The following PPM1L variants were observed in gnomAD, a reference collection of about 807,000 sequenced individuals.
PPM1L encodes the protein protein phosphatase, Mg2+/Mn2+ dependent 1L.
Under a neutral mutation model 31.4 loss-of-function variants are expected in PPM1L, and 13 were observed. The observed-to-expected ratio is 0.41, with a 90% CI of 0.27 to 0.66. The LOEUF is 0.66. Among genes scored for constraint, PPM1L ranks in the 30% least tolerant of loss-of-function variants. PPM1L has a pLI of 0.29. For synonymous variants in PPM1L, 184 were observed against 175.4 expected (o/e 1.05, Z -0.39); for missense variants, 326 against 453.7 (o/e 0.72, Z 2.56).
rs187635862 is a variant in PPM1L at position 160,862,136 on chromosome 3, T to C, written c.400-99600T>C. ...CTGCCTACCACACTGATGATGATGA[T>C]GCTAATGAAGATGATGAGGAAAATT... is the stretch of plus-strand genomic sequence containing the variant. On this transcript the variant is annotated intron_variant, in intron 1 of 3. Coordinates refer to ENST00000498165, the MANE Select transcript of PPM1L (RefSeq NM_139245.4). 8.5e-5 allele frequency among the ~76,000 whole-genome samples: 13 copies of C among 152,322 alleles called. No individual in the cohort carries two copies. The East Asian group carries it at 2.5e-3, about 29-fold the overall frequency.
intron 1 of PPM1L, among the ~76,000 whole-genome samples, chr3:160,876,591 C>T (rs1412699107): frequency 6.6e-6 from 1 of 152,202 alleles, no homozygotes; most frequent in East Asian, 1.9e-4. Context: ...AGACACTGTG[C>T]TATTACTATG....
At chr3:161,040,163 T>G (rs1351167341) in intron 2 of PPM1L, among the ~76,000 whole-genome samples, 1 of 152,234 alleles carries the variant, frequency 6.6e-6, no homozygotes, top group African/African-American at 2.4e-5. Flanking sequence ...GTGCTGGTGC[T>G]TAGTGAAATA....
chr3:160,960,396 G>T (rs1715915123), intron 1 of PPM1L, among the ~76,000 whole-genome samples: 1 of 151,972 alleles, frequency 6.6e-6, no homozygotes, highest in African/African-American at 2.4e-5. Context: ...TAGCTATTTT[G>T]TAATATACGA....
At chr3:160,820,151 G>A (rs772632066) in intron 1 of PPM1L, among the ~76,000 whole-genome samples, 7 of 152,122 alleles carry the variant, frequency 4.6e-5, no homozygotes, top group African/African-American at 7.2e-5. Flanking sequence ...AGCAGTGATA[G>A]TGGAATGAAG....
At chr3:160,887,940 A>G (rs1369334426) in intron 1 of PPM1L, among the ~76,000 whole-genome samples, 1 of 152,194 alleles carries the variant, frequency 6.6e-6, no homozygotes, top group Admixed American at 6.5e-5. Context: ...ACTAAGCTTC[A>G]TAAGTGAAGG....
At chr3:160,770,809 C>T (rs1441327331) in intron 1 of PPM1L, among the ~76,000 whole-genome samples, 1 of 152,108 alleles carries the variant, frequency 6.6e-6, no homozygotes, top group African/African-American at 2.4e-5. Flanking sequence ...TGAAGGTCAT[C>T]CTTATTTTTT....
intron 1 of PPM1L, among the ~76,000 whole-genome samples, chr3:160,798,973 C>G (rs1045651887): frequency 2.0e-5 from 3 of 152,132 alleles, no homozygotes; most frequent in Non-Finnish European, 4.4e-5. Context: ...CATGGATGAC[C>G]TTGAGAGGTT....
chr3:161,028,977 G>C lies in PPM1L; in HGVS notation c.575-36426G>C, dbSNP rs77067189. Among the ~76,000 whole-genome samples, 3 of 152,198 alleles carry C rather than the reference G, an allele frequency of 2.0e-5. No individual in the cohort carries two copies. In the East Asian group the frequency reaches 5.8e-4, roughly 29 times the overall value. ...AATTCATCACAGTTAATACACTTTGGGTTTCATATTACACTCCCAGTGCCT... is the reference window on the plus strand; with the variant it reads ...AATTCATCACAGTTAATACACTTTGCGTTTCATATTACACTCCCAGTGCCT... On this transcript the variant is annotated intron_variant, in intron 2 of 3. Coordinates refer to ENST00000498165, the MANE Select transcript of PPM1L (RefSeq NM_139245.4).
intron 1 of PPM1L, among the ~76,000 whole-genome samples, chr3:160,910,400 C>T (rs1213144494): frequency 6.6e-6 from 1 of 151,582 alleles, no homozygotes; most frequent in Admixed American, 6.6e-5. Flanking sequence ...GCAACCTCCG[C>T]CTCCCAGGTT....
At chr3:160,812,716 G>T (rs973816604) in intron 1 of PPM1L, among the ~76,000 whole-genome samples, 1 of 152,140 alleles carries the variant, frequency 6.6e-6, no homozygotes, top group African/African-American at 2.4e-5. Flanking sequence ...AGGTGGGATT[G>T]CTTGGCAAGT....
At chr3:161,037,737 T>C (rs1026485576) in intron 2 of PPM1L, among the ~76,000 whole-genome samples, 1 of 151,450 alleles carries the variant, frequency 6.6e-6, no homozygotes, top group East Asian at 2.0e-4. Flanking sequence ...CAGCCCCTAC[T>C]TGAGCTTTTG....
At chr3:160,851,499 C>G (rs1711522513) in intron 1 of PPM1L, among the ~76,000 whole-genome samples, 2 of 152,088 alleles carry the variant, frequency 1.3e-5, no homozygotes, top group African/African-American at 4.8e-5. Context: ...GCAGTGTTTT[C>G]TAGTTGAGGT....
At chr3:161,009,874 T>C (rs1406685268) in intron 2 of PPM1L, among the ~76,000 whole-genome samples, 2 of 152,194 alleles carry the variant, frequency 1.3e-5, no homozygotes, top group African/African-American at 4.8e-5. Flanking sequence ...CAGGAAGCAA[T>C]GCTTACTGTG....
At chr3:160,778,149 T>G (rs988136575) in intron 1 of PPM1L, among the ~76,000 whole-genome samples, 13 of 152,206 alleles carry the variant, frequency 8.5e-5, no homozygotes, top group Non-Finnish European at 1.8e-4. Context: ...TTATTGGCCA[T>G]CATTTTATAT....
intron 2 of PPM1L, among the ~76,000 whole-genome samples, chr3:160,978,978 T>C (rs1716705809): frequency 6.6e-6 from 1 of 152,056 alleles, no homozygotes; most frequent in African/African-American, 2.4e-5. Flanking sequence ...TGGAATACTC[T>C]CTATATTGAA....
At chr3:160,782,106 A>G (rs1254804596) in intron 1 of PPM1L, among the ~76,000 whole-genome samples, 1 of 151,900 alleles carries the variant, frequency 6.6e-6, no homozygotes, top group Non-Finnish European at 1.5e-5. Flanking sequence ...CTTCTAGAGC[A>G]TTCTCTTCAC....
chr3:161,055,370 CA>C (rs143910801), intron 2 of PPM1L, among the ~76,000 whole-genome samples: 1,984 of 152,086 alleles, frequency 0.013, 37 homozygotes, highest in African/African-American at 0.044. Context: ...GGGCTGACCA[CA>C]GTGTTGGCTG....
chr3:160,805,771 TC>T (rs1216592765), intron 1 of PPM1L, among the ~76,000 whole-genome samples: 1 of 152,056 alleles, frequency 6.6e-6, no homozygotes, highest in Non-Finnish European at 1.5e-5. Flanking sequence ...GGATTCTACC[TC>T]CCCCACCTTT....
intron 1 of PPM1L, among the ~76,000 whole-genome samples, chr3:160,798,825 T>C (rs1026861492): frequency 2.0e-5 from 3 of 152,222 alleles, no homozygotes; most frequent in Non-Finnish European, 2.9e-5. Flanking sequence ...ATTCCTCTGA[T>C]GGATCTGGGC....
Sources: allele counts gnomAD v4.1 joint callset (sites outside exome capture counted in the v4.1 genomes callset), GRCh38; gene constraint gnomAD v4.1.1; transcripts MANE v1.5; gene names NCBI Gene and HGNC (gene_info 2026-07-23, HGNC 2026-07-21).